Variants in POU6F2 observed in about 807,000 individuals in gnomAD.
POU6F2 encodes the protein POU domain, class 6, transcription factor 2.
A neutral mutation model predicts 71.3 loss-of-function variants in POU6F2; 31 were observed. The observed-to-expected ratio is 0.43, with a 90% CI of 0.33 to 0.59. The LOEUF (loss-of-function observed/expected upper bound fraction) is 0.59. POU6F2 is among the 20% of genes least tolerant of loss of function. The probability of loss-of-function intolerance (pLI) is 0.04; values close to 1 mark genes in which losing one functional copy is unlikely to be tolerated. For synonymous variants in POU6F2, 347 were observed against 355.7 expected (o/e 0.98, Z 0.27); for missense variants, 783 against 856.8 (o/e 0.91, Z 1.07).
chr7:39,371,433 C>T (rs1786608455), intron 5 of POU6F2, among the ~76,000 whole-genome samples: 1 of 152,154 alleles, frequency 6.6e-6, no homozygotes, highest in Non-Finnish European at 1.5e-5. Flanking sequence ...CCCACCTTGG[C>T]CTCCCAAAGT....
intron 1 of POU6F2, among the ~76,000 whole-genome samples, chr7:39,071,757 C>T (rs1790886404): frequency 6.6e-6 from 1 of 151,848 alleles, no homozygotes; most frequent in Non-Finnish European, 1.5e-5. Flanking sequence ...ACAAATCAAA[C>T]TGTTTTCCAC....
At chr7:39,163,944 T>C (rs1793054246) in intron 2 of POU6F2, among the ~76,000 whole-genome samples, 1 of 152,022 alleles carries the variant, frequency 6.6e-6, no homozygotes, top group Admixed American at 6.6e-5. Context: ...AGGGATGAAG[T>C]CCGGGGAGAA....
chr7:39,298,035 C>T (rs561372223), intron 4 of POU6F2, among the ~76,000 whole-genome samples: 1 of 151,608 alleles, frequency 6.6e-6, no homozygotes, highest in Non-Finnish European at 1.5e-5. Flanking sequence ...ATCCAAAATC[C>T]AAAAAAACCC....
intron 2 of POU6F2, among the ~76,000 whole-genome samples, chr7:39,102,386 T>G (rs1477696141): frequency 6.6e-6 from 1 of 152,174 alleles, no homozygotes; most frequent in African/African-American, 2.4e-5. Flanking sequence ...TTTCCACTGT[T>G]TGCCTAGTAT....
Position 39,467,546 on chromosome 7 carries a change from A to T in POU6F2, c.*2860A>T, listed in dbSNP as rs1218258221. ...TCTCACATAATTTTTAATTATTGTT[A>T]TCTGCATTTTCATTACTTCATGAAA... is the stretch of plus-strand genomic sequence containing the variant. On this transcript the variant is annotated 3_prime_UTR_variant, in exon 10 of 10. Coordinates refer to ENST00000518318, the MANE Select transcript of POU6F2 (RefSeq NM_001370959.1). The T allele has an allele frequency of 6.6e-6, 1 of 152,206 alleles. No individual in the cohort carries two copies. The highest frequency in any genetic ancestry group is 2.4e-5 in the African/African-American group (1 of 41,456). 9.4% of individuals were successfully genotyped at this position (152,206 alleles called of 1,614,324 possible). A position where few individuals can be genotyped will look rare whatever the true frequency, so the allele number is the denominator to read the frequency against.
chr7:39,099,066 A>G (rs943048044), intron 2 of POU6F2, among the ~76,000 whole-genome samples: 7 of 152,208 alleles, frequency 4.6e-5, no homozygotes, highest in Middle Eastern at 3.2e-3. Context: ...GAAAGAATTC[A>G]GACTCATAAA....
chr7:39,224,162 T>A lies in POU6F2; in HGVS notation c.598+16542T>A, dbSNP rs377282131. Among the ~76,000 whole-genome samples, 16 of 152,226 alleles carry A rather than the reference T, an allele frequency of 1.1e-4. No individual in the cohort carries two copies. The South Asian group carries it at 3.3e-3, about 32-fold the overall frequency. On this transcript the variant is annotated intron_variant, in intron 4 of 9. Transcript: ENST00000518318. ...AAAAGAATTGGTGTACAAAAGCCCCTCAAAATCATAAAGTCACTGGTGCTC... is the reference window on the plus strand; with the variant it reads ...AAAAGAATTGGTGTACAAAAGCCCCACAAAATCATAAAGTCACTGGTGCTC...
intron 1 of POU6F2, among the ~76,000 whole-genome samples, chr7:39,040,135 T>TATATAA (rs1291969786): frequency 5.1e-5 from 2 of 39,408 alleles, no homozygotes; most frequent in Non-Finnish European, 9.6e-5. Flanking sequence ...TATATATATA[T>TATATAA]AAATCCCAGA....
chr7:39,301,828 G>A (rs930645157), intron 4 of POU6F2, among the ~76,000 whole-genome samples: 1 of 152,130 alleles, frequency 6.6e-6, no homozygotes, highest in African/African-American at 2.4e-5. Flanking sequence ...GCCACCAGTA[G>A]CCTATATTTT....
At chr7:39,233,069 A>T (rs576787746) in intron 4 of POU6F2, among the ~76,000 whole-genome samples, 28 of 152,164 alleles carry the variant, frequency 1.8e-4, no homozygotes, top group Non-Finnish European at 1.6e-4. Context: ...GCAATTTATT[A>T]ATTAATTCAT....
chr7:39,178,623 A>G (rs1057068780), intron 2 of POU6F2, among the ~76,000 whole-genome samples: 37 of 152,180 alleles, frequency 2.4e-4, no homozygotes, highest in Non-Finnish European at 7.3e-5. Flanking sequence ...TGTGATCTTC[A>G]TAAAGTTGAG....
At chr7:39,092,389 C>T (rs1237742496) in intron 2 of POU6F2, among the ~76,000 whole-genome samples, 1 of 152,106 alleles carries the variant, frequency 6.6e-6, no homozygotes, top group African/African-American at 2.4e-5. Context: ...TTCTTTTATT[C>T]ATGCCATTTC....
chr7:39,045,458 A>G (rs1166770896), intron 1 of POU6F2, among the ~76,000 whole-genome samples: 2 of 151,782 alleles, frequency 1.3e-5, no homozygotes, highest in Non-Finnish European at 2.9e-5. Context: ...TTTTTCCAGT[A>G]TCTGTTTGCC....
chr7:39,339,567 C>T (rs1354650733), intron 4 of POU6F2, 75 bp from the exon 5 acceptor site: 1 of 1,489,904 alleles, frequency 6.7e-7, no homozygotes, highest in Non-Finnish European at 8.9e-7. Flanking sequence ...TCCACTTGCA[C>T]TGGACAGGCT....
At chr7:39,120,521 T>C (rs1306527345) in intron 2 of POU6F2, among the ~76,000 whole-genome samples, 1 of 152,210 alleles carries the variant, frequency 6.6e-6, no homozygotes, top group Non-Finnish European at 1.5e-5. Flanking sequence ...AGCTAGTCTG[T>C]AATAAAACAG....
intron 2 of POU6F2, among the ~76,000 whole-genome samples, chr7:39,148,165 CCTAG>C (rs999534016): frequency 1.3e-5 from 2 of 152,202 alleles, no homozygotes; most frequent in Non-Finnish European, 2.9e-5. Flanking sequence ...TTTCATCTTA[CCTAG>C]GATATGGTTG....
At chr7:39,252,074 C>T (rs554015893) in intron 4 of POU6F2, among the ~76,000 whole-genome samples, 35 of 152,178 alleles carry the variant, frequency 2.3e-4, no homozygotes, top group African/African-American at 8.2e-4. Context: ...CTCTACATGC[C>T]GCGAGTGTGT....
In POU6F2 at chr7:38,998,838, T is replaced by TG. The variant is rs1554305113; in HGVS notation, c.105+20780_105+20781insG. On this transcript the variant is annotated intron_variant, in intron 1 of 9. Coordinates refer to ENST00000518318, the MANE Select transcript of POU6F2 (RefSeq NM_001370959.1). ...CTAATTTTTTTTTTTTTTTTTTTTT[T>TG]TATTTTCAGTAGAGACCAGGTTTTA... Among the ~76,000 whole-genome samples the TG allele has an allele frequency of 5.4e-3, 768 of 141,362 alleles. 7 individuals carry two copies. Among genetic ancestry groups the TG allele is most frequent in the African/African-American group, 0.019 (729 of 37,812 alleles). The allele number at this position is 141,362 out of a possible 152,430, so 92.7% of individuals were successfully genotyped here.
chr7:39,388,373 T>C (rs1786992000), intron 5 of POU6F2, among the ~76,000 whole-genome samples: 1 of 152,192 alleles, frequency 6.6e-6, no homozygotes, highest in Non-Finnish European at 1.5e-5. Flanking sequence ...TGGAGTGCAA[T>C]GACACAATCT....
Sources: allele counts gnomAD v4.1 joint callset (sites outside exome capture counted in the v4.1 genomes callset), GRCh38; gene constraint gnomAD v4.1.1; transcripts MANE v1.5; gene names NCBI Gene and HGNC (gene_info 2026-07-23, HGNC 2026-07-21).